The following DOCK1 variants were observed in gnomAD, a reference collection of about 807,000 sequenced individuals.
DOCK1 encodes the protein dedicator of cytokinesis 1.
Under a neutral mutation model 262.7 loss-of-function variants are expected in DOCK1, and 138 were observed. That is an observed-to-expected ratio of 0.53 (90% CI 0.46 to 0.61). The LOEUF (loss-of-function observed/expected upper bound fraction) is 0.61. DOCK1 is among the 20% of genes least tolerant of loss of function. The pLI, the probability that DOCK1 is intolerant of heterozygous loss-of-function variation, is 0.00. For synonymous variants in DOCK1, 866 were observed against 867.4 expected (o/e 1.00, Z 0.03); for missense variants, 1,908 against 2,370.7 (o/e 0.80, Z 4.05).
In DOCK1 at chr10:127,418,512, G is replaced by C; in HGVS notation, c.4663G>C (p.Val1555Leu). ...MLLNGIVDPAVMGGFANYEKA... is the reference protein window; with the variant it reads ...MLLNGIVDPALMGGFANYEKA... ...CCTGAACGGCATCGTGGACCCAGCT[G>C]TCATGGGGGGCTTCGCAAACTACGA... Residue 1555 changes from valine to leucine, a missense_variant, in exon 45 of 52, where the codon GTC becomes CTC. By Grantham distance (32) the Val-to-Leu change is conservative. This residue lies in a region of DOCK1 where 57 missense variants were observed against 103.1 expected (regional missense o/e 0.55). Coordinates refer to ENST00000623213, the MANE Select transcript of DOCK1 (RefSeq NM_001290223.2). 6.2e-7 allele frequency: 1 copy of C among 1,614,018 alleles called. No individual in the cohort carries two copies. Among genetic ancestry groups the C allele is most frequent in the Non-Finnish European group, 8.5e-7 (1 of 1,180,018 alleles).
intron 43 of DOCK1, among the ~76,000 whole-genome samples, chr10:127,412,379 C>T (rs2067911658): frequency 6.6e-6 from 1 of 152,120 alleles, no homozygotes; most frequent in African/African-American, 2.4e-5. Flanking sequence ...GTCTTGAACT[C>T]CTGGGCTCAA....
intron 29 of DOCK1, among the ~76,000 whole-genome samples, chr10:127,270,345 G>A (rs1364820563): frequency 1.3e-5 from 2 of 152,162 alleles, no homozygotes; most frequent in African/African-American, 4.8e-5. Context: ...GCCCTCCGAT[G>A]TTTTTATTCT....
intron 29 of DOCK1, among the ~76,000 whole-genome samples, chr10:127,305,277 G>A (rs963987516): frequency 1.3e-5 from 2 of 152,138 alleles, no homozygotes; most frequent in African/African-American, 4.8e-5. Flanking sequence ...TATTAAGTAA[G>A]TTTTAGGTGA....
At chr10:127,352,033 T>A (rs1015386791) in intron 31 of DOCK1, among the ~76,000 whole-genome samples, 1 of 150,816 alleles carries the variant, frequency 6.6e-6, no homozygotes. Context: ...ATCCCCCAGT[T>A]CTCAAATACT....
chr10:127,018,905 G>A (rs2042204488), intron 13 of DOCK1, 70 bp downstream of exon 13: 3 of 1,590,332 alleles, frequency 1.9e-6, no homozygotes, highest in Non-Finnish European at 2.6e-6. Context: ...ATGACGTGTG[G>A]GCAGCATCAT....
intron 27 of DOCK1, among the ~76,000 whole-genome samples, chr10:127,210,112 A>C (rs2057909298): frequency 6.6e-6 from 1 of 152,194 alleles, no homozygotes; most frequent in African/African-American, 2.4e-5. Flanking sequence ...AAATAAGAAA[A>C]GATTTTTCTC....
intron 29 of DOCK1, among the ~76,000 whole-genome samples, chr10:127,280,531 A>C (rs1793089259): frequency 6.6e-6 from 1 of 152,166 alleles, no homozygotes; most frequent in Non-Finnish European, 1.5e-5. Context: ...GAATGAAGGG[A>C]GCTCAGTCAT....
intron 5 of DOCK1, among the ~76,000 whole-genome samples, chr10:126,989,317 T>A (rs2039634798): frequency 6.6e-6 from 1 of 152,072 alleles, no homozygotes; most frequent in Admixed American, 6.6e-5. Flanking sequence ...CCATGACATT[T>A]AGATACCTTT....
intron 4 of DOCK1, 44 bp from the exon 5 acceptor site, chr10:126,987,477 A>T: frequency 1.3e-6 from 2 of 1,494,168 alleles, no homozygotes; most frequent in Non-Finnish European, 1.8e-6. Flanking sequence ...CATAGCAGGC[A>T]GTGAAACCGT....
At chr10:127,072,563 C>T (rs1458348884) in intron 23 of DOCK1, among the ~76,000 whole-genome samples, 2 of 152,174 alleles carry the variant, frequency 1.3e-5, no homozygotes, top group African/African-American at 4.8e-5. Context: ...GGTGCTGATA[C>T]AAAGGTAGTC....
chr10:127,331,531 C>T (rs948458025), intron 29 of DOCK1, among the ~76,000 whole-genome samples: 9 of 152,198 alleles, frequency 5.9e-5, no homozygotes, highest in Non-Finnish European at 1.2e-4. Flanking sequence ...ATCCACCCAC[C>T]TTGGCCTCCC....
intron 12 of DOCK1, among the ~76,000 whole-genome samples, chr10:127,015,419 A>C (rs2041796307): frequency 6.7e-6 from 1 of 150,090 alleles, no homozygotes; most frequent in Non-Finnish European, 1.5e-5. Flanking sequence ...CCAGTTTTCC[A>C]TTTCCCCTGT....
In DOCK1 at chr10:126,982,729, A is replaced by G. The variant is rs115819927; in HGVS notation, c.227+756A>G. On this transcript the variant is annotated intron_variant, in intron 4 of 51. Coordinates refer to ENST00000623213, the MANE Select transcript of DOCK1 (RefSeq NM_001290223.2). Reference sequence around the variant, plus strand: ...TTCGGGTTCCATAGTTCCATGATGCATACTTAAAATGAAGAAAATAATTTA... The same window carrying G: ...TTCGGGTTCCATAGTTCCATGATGCGTACTTAAAATGAAGAAAATAATTTA... Among the ~76,000 whole-genome samples the G allele has an allele frequency of 8.8e-3, 1,347 of 152,306 alleles. 19 individuals carry two copies. Among genetic ancestry groups the G allele is most frequent in the African/African-American group, 0.031 (1,282 of 41,566 alleles).
intron 23 of DOCK1, 55 bp downstream of exon 23, chr10:127,061,831 C>G: frequency 7.1e-7 from 1 of 1,412,174 alleles, no homozygotes; most frequent in Non-Finnish European, 9.6e-7. Flanking sequence ...CTTTCATTAT[C>G]TCTTTTGGAG....
At chr10:126,996,984 C>T (rs2275541) in intron 7 of DOCK1, 101 bp downstream of exon 7, 78,331 of 1,322,360 alleles carry the variant, frequency 0.059, 2,691 homozygotes, top group African/African-American at 0.1. Context: ...TAAGAAAGAA[C>T]CTGAAAAGGA....
intron 17 of DOCK1, 59 bp from the exon 18 acceptor site, chr10:127,032,078 A>C (rs2043276995): frequency 1.9e-6 from 3 of 1,551,240 alleles, no homozygotes; most frequent in Middle Eastern, 3.3e-4. Flanking sequence ...AAGGGTGGCA[A>C]AAATGGTGTG....
In DOCK1 at chr10:126,973,274, G is replaced by A. The variant is rs932019649; in HGVS notation, c.130+2489G>A. Among the ~76,000 whole-genome samples, 4 of 151,512 alleles carry A rather than the reference G, an allele frequency of 2.6e-5. No homozygotes were observed. The South Asian group carries it at 8.4e-4, about 32-fold the overall frequency. On this transcript the variant is annotated intron_variant, in intron 2 of 51. Coordinates refer to ENST00000623213, the MANE Select transcript of DOCK1 (RefSeq NM_001290223.2). The stretch of plus-strand genomic sequence containing the variant: ...GATGGAGGCTCGCTCTGTCGCCCGG[G>A]CTGGAGTATGGTGGTGCAATTTCAG...
chr10:127,099,105 C>T lies in DOCK1; in HGVS notation c.2446-7126C>T, dbSNP rs1169016902. On this transcript the variant is annotated intron_variant, in intron 23 of 51. Coordinates refer to ENST00000623213, the MANE Select transcript of DOCK1 (RefSeq NM_001290223.2). ...TCTTGTCCTTGTCTGGCTAATCAAA[C>T]TGGATGGGGAAGACAACTTTTTCCC... is the stretch of plus-strand genomic sequence containing the variant. 2.0e-5 allele frequency among the ~76,000 whole-genome samples: 3 copies of T among 152,150 alleles called. No homozygotes were observed. In the East Asian group the frequency reaches 5.8e-4, roughly 29 times the overall value.
At chr10:127,323,055 AAT>A (rs2062604360) in intron 29 of DOCK1, among the ~76,000 whole-genome samples, 1 of 38,706 alleles carries the variant, frequency 2.6e-5, no homozygotes. Context: ...ATGATTGATC[AAT>A]GCTCGATCAA....
Sources: gnomAD v4.1 joint callset for allele counts (sites outside exome capture counted in the v4.1 genomes callset) on GRCh38, gnomAD v4.1.1 for gene constraint, gnomAD v4.1.1 regional missense constraint, MANE v1.5 for transcripts, NCBI Gene and HGNC (gene_info 2026-07-23, HGNC 2026-07-21) for gene names.